CSMD1: variants seen among roughly 807,000 people sequenced by gnomAD.
CSMD1 encodes CUB and Sushi multiple domains 1, also known as CUB and sushi domain-containing protein 1.
CSMD1 carries 213 observed loss-of-function variants against 417.5 expected under a neutral mutation model. The ratio of observed to expected loss-of-function variants is 0.51; its 90% CI spans 0.46 to 0.57. The LOEUF is 0.57. Among genes scored for constraint, CSMD1 ranks in the 20% least tolerant of loss-of-function variants. The pLI is 0.00. For synonymous variants in CSMD1, 2,862 were observed against 1,736.8 expected (o/e 1.65, Z -16.11); for missense variants, 6,923 against 4,529.7 (o/e 1.53, Z -15.17).
intron 3 of CSMD1, among the ~76,000 whole-genome samples, chr8:4,401,506 C>T (rs1277765298): frequency 1.3e-5 from 2 of 152,106 alleles, no homozygotes; most frequent in African/African-American, 4.8e-5. Flanking sequence ...AGAGGAGAAC[C>T]TCCCAGGTCA....
At chr8:3,936,983 C>A (rs1485559481) in intron 5 of CSMD1, among the ~76,000 whole-genome samples, 1 of 152,108 alleles carries the variant, frequency 6.6e-6, no homozygotes, top group Non-Finnish European at 1.5e-5. Context: ...AAGTTGATTT[C>A]AATCCTCGTG....
chr8:3,432,877 A>G (rs980234936), intron 12 of CSMD1, among the ~76,000 whole-genome samples: 5 of 152,186 alleles, frequency 3.3e-5, no homozygotes, highest in African/African-American at 1.2e-4. Context: ...TATAGTCATC[A>G]GAGTAATGCC....
intron 3 of CSMD1, among the ~76,000 whole-genome samples, chr8:4,378,140 T>C (rs1802873738): frequency 6.6e-6 from 1 of 152,226 alleles, no homozygotes; most frequent in Non-Finnish European, 1.5e-5. Flanking sequence ...GTGTACATGC[T>C]TCAATATTTC....
intron 5 of CSMD1, among the ~76,000 whole-genome samples, chr8:3,833,475 A>G (rs565291188): frequency 1.3e-5 from 2 of 151,968 alleles, no homozygotes; most frequent in Non-Finnish European, 2.9e-5. Context: ...ATGCTATCTT[A>G]TTTTCCTACT....
chr8:3,555,476 G>A (rs948039403), intron 10 of CSMD1, among the ~76,000 whole-genome samples: 1 of 152,216 alleles, frequency 6.6e-6, no homozygotes, highest in East Asian at 1.9e-4. Flanking sequence ...TGGAGGTGAA[G>A]TGGGATGCTG....
chr8:4,384,147 C>G (rs1010854980), intron 3 of CSMD1, among the ~76,000 whole-genome samples: 5 of 152,160 alleles, frequency 3.3e-5, no homozygotes, highest in Non-Finnish European at 5.9e-5. Flanking sequence ...TGAGCCTCCT[C>G]CCTTGGGAAT....
chr8:4,901,380 G>C (rs935555632), intron 1 of CSMD1, among the ~76,000 whole-genome samples: 2 of 152,158 alleles, frequency 1.3e-5, no homozygotes, highest in African/African-American at 4.8e-5. Context: ...GACTATTGCA[G>C]TTAGGATTTC....
chr8:3,292,846 T>C (rs1234464536), intron 25 of CSMD1, among the ~76,000 whole-genome samples: 1 of 152,152 alleles, frequency 6.6e-6, no homozygotes, highest in Admixed American at 6.6e-5. Context: ...AATATTGTTA[T>C]GTGTGAATTT....
chr8:3,076,044 C>T (rs978556989), intron 49 of CSMD1, among the ~76,000 whole-genome samples: 10 of 144,740 alleles, frequency 6.9e-5, no homozygotes, highest in African/African-American at 2.3e-4. Flanking sequence ...GAGCGAGACT[C>T]CGTCTCAAAA....
At chr8:3,238,284 C>A (rs59761505) in intron 26 of CSMD1, among the ~76,000 whole-genome samples, 24,360 of 151,840 alleles carry the variant, frequency 0.16, 2,172 homozygotes, top group East Asian at 0.27. Context: ...AAGGCAGGAA[C>A]AGGCCATTTT....
At chr8:4,100,055 A>C (rs73173831) in intron 3 of CSMD1, among the ~76,000 whole-genome samples, 15,325 of 152,188 alleles carry the variant, frequency 0.1, 866 homozygotes, top group Middle Eastern at 0.19. Context: ...GTGAGCATGC[A>C]CTTTAGAATC....
At chr8:4,287,039 G>A (rs890631330) in intron 3 of CSMD1, among the ~76,000 whole-genome samples, 11 of 152,198 alleles carry the variant, frequency 7.2e-5, no homozygotes, top group African/African-American at 2.7e-4. Flanking sequence ...TTCATTTAGA[G>A]AATGATTGTA....
chr8:4,261,852 T>G (rs1504761), intron 3 of CSMD1, among the ~76,000 whole-genome samples: 1 of 152,060 alleles, frequency 6.6e-6, no homozygotes, highest in Non-Finnish European at 1.5e-5. Flanking sequence ...TTTTGTTCAT[T>G]ATACCCTAAT....
At chr8:4,432,375 G>A (rs892791906) in intron 2 of CSMD1, among the ~76,000 whole-genome samples, 4 of 152,096 alleles carry the variant, frequency 2.6e-5, no homozygotes, top group Admixed American at 6.6e-5. Context: ...TGAACTTAGT[G>A]ATTAACCTAC....
chr8:2,965,874 A>G lies in CSMD1; in HGVS notation c.9181T>C (p.Tyr3061His). 1 of 1,610,544 alleles carries G rather than the reference A, an allele frequency of 6.2e-7. No homozygotes were observed. The highest frequency in any genetic ancestry group is 8.5e-7 in the Non-Finnish European group (1 of 1,178,406). Residue 3061 changes from tyrosine to histidine, a missense_variant, in exon 59 of 70, where the codon TAT (tyrosine) becomes CAT (histidine). Transcript: ENST00000635120. ...TDFTFNKTVS[Y>H]QCNPGYVMEA... ...ATGACATAGCCTGGGTTACACTGAT[A>G]GCTCACAGTCTTGTTGAAGGTGAAG...
chr8:3,918,446 T>G (rs550967711), intron 5 of CSMD1, among the ~76,000 whole-genome samples: 1 of 152,320 alleles, frequency 6.6e-6, no homozygotes, highest in South Asian at 2.1e-4. Context: ...GATAATTAAT[T>G]ATATTGATCA....
intron 2 of CSMD1, among the ~76,000 whole-genome samples, chr8:4,611,425 C>T (rs1238835905): frequency 6.6e-6 from 1 of 152,150 alleles, no homozygotes. Context: ...GTTTTAAACT[C>T]CACTGCCATA....
intron 3 of CSMD1, among the ~76,000 whole-genome samples, chr8:4,377,891 T>C (rs1418224214): frequency 6.6e-6 from 1 of 152,222 alleles, no homozygotes; most frequent in Admixed American, 6.5e-5. Context: ...TGAATTAGTA[T>C]GGATTACTTT....
chr8:3,987,096 G>C (rs1439317137), intron 5 of CSMD1, among the ~76,000 whole-genome samples: 1 of 152,118 alleles, frequency 6.6e-6, no homozygotes, highest in South Asian at 2.1e-4. Flanking sequence ...AAAACGATGG[G>C]TTCCTTTCTC....
Sources: allele counts gnomAD v4.1 joint callset (sites outside exome capture counted in the v4.1 genomes callset), GRCh38; gene constraint gnomAD v4.1.1; transcripts MANE v1.5; gene names NCBI Gene and HGNC (gene_info 2026-07-23, HGNC 2026-07-21).